The following STAT4 variants were observed in gnomAD, a reference collection of about 807,000 sequenced individuals.
STAT4 encodes signal transducer and activator of transcription 4.
In STAT4, 42 loss-of-function variants were observed where a neutral mutation model predicts 110.5. The observed-to-expected ratio is 0.38, with a 90% CI of 0.30 to 0.49. The LOEUF (loss-of-function observed/expected upper bound fraction) is 0.49, where lower values mean the gene tolerates loss of function less well. Among genes scored for constraint, STAT4 ranks in the 20% least tolerant of loss-of-function variants. The pLI, the probability that STAT4 is intolerant of heterozygous loss-of-function variation, is 0.95. For missense variants in STAT4, 632 were observed against 887.9 expected (o/e 0.71, Z 3.66); for synonymous variants, 284 against 302.2 (o/e 0.94, Z 0.63).
chr2:191,139,070 C>A (rs1187732668), intron 3 of STAT4, among the ~76,000 whole-genome samples: 1 of 151,570 alleles, frequency 6.6e-6, no homozygotes, highest in Non-Finnish European at 1.5e-5. Flanking sequence ...TGATAAAAAA[C>A]CCTCAACAAA....
In STAT4 at chr2:191,146,811, C is replaced by CT; in HGVS notation, c.129-55dup. ...AGAAAACAACTTTGTAAAATGTCTA[C>CT]TTTTTTACCATACTAACTTTAAAAC... On this transcript the variant is annotated intron_variant, in intron 2 of 23. Transcript: ENST00000392320. This position sits in a 1 kb window ranked among gnomAD's most constrained non-coding sequence, Gnocchi z 4.5. 3 of 1,415,746 alleles carry CT rather than the reference C, an allele frequency of 2.1e-6. No individual in the cohort carries two copies. Among genetic ancestry groups the CT allele is most frequent in the Non-Finnish European group, 2.8e-6 (3 of 1,076,470 alleles). The allele number at this position is 1,415,746 out of a possible 1,614,324, so 87.7% of individuals were successfully genotyped here. A position where few individuals can be genotyped will look rare whatever the true frequency, so the allele number is the denominator to read the frequency against.
intron 14 of STAT4, among the ~76,000 whole-genome samples, chr2:191,045,378 G>A (rs1419367373): frequency 6.6e-6 from 1 of 152,192 alleles, no homozygotes. Context: ...AGAATCCTGG[G>A]TGGAATTTGG....
Position 191,146,604 on chromosome 2 carries a change from C to A in STAT4, c.273+9G>T. On this transcript the variant is annotated intron_variant, in intron 3 of 23. Coordinates refer to ENST00000392320, the MANE Select transcript of STAT4 (RefSeq NM_003151.4). This position sits in a 1 kb window ranked among gnomAD's most constrained non-coding sequence, Gnocchi z 4.5. ...CCAAATATTTTGGAAAAGTAGAATG[C>A]ATTCTTACCTGAAGGACCTTCCTAA... The A allele has an allele frequency of 6.7e-7, 1 of 1,492,484 alleles. No homozygotes were observed. The highest frequency in any genetic ancestry group is 1.4e-5 in the South Asian group (1 of 69,756). The allele number at this position is 1,492,484 out of a possible 1,614,324, so 92.5% of individuals were successfully genotyped here.
intron 4 of STAT4, among the ~76,000 whole-genome samples, chr2:191,075,453 A>C (rs1697287533): frequency 6.6e-6 from 1 of 152,210 alleles, no homozygotes; most frequent in South Asian, 2.1e-4. Flanking sequence ...GTAAGACAAA[A>C]TTCCTGCTCA....
rs957339057 is a variant in STAT4, at chr2:191,042,599, A to C, written c.1252-1451T>G. ...TGATAAGTGTATTGTGGTTAGGTTTAAACATTTCTTATATTCTAAAGATAC... is the reference window on the plus strand; with the variant it reads ...TGATAAGTGTATTGTGGTTAGGTTTCAACATTTCTTATATTCTAAAGATAC... On this transcript the variant is annotated intron_variant, in intron 14 of 23. Coordinates refer to ENST00000392320, the MANE Select transcript of STAT4 (RefSeq NM_003151.4). This position sits in a 1 kb window ranked among gnomAD's most constrained non-coding sequence, Gnocchi z 4.2. Among the ~76,000 whole-genome samples, 40 of 152,210 alleles carry C rather than the reference A, an allele frequency of 2.6e-4. No homozygotes were observed. Among genetic ancestry groups the C allele is most frequent in the African/African-American group, 9.2e-4 (38 of 41,458 alleles).
chr2:191,112,494 AAT>A lies in STAT4; in HGVS notation c.273+34117_273+34118del, dbSNP rs1698451559. Among the ~76,000 whole-genome samples, 1 of 152,250 alleles carries A rather than the reference AAT, an allele frequency of 6.6e-6. No individual in the cohort carries two copies. The highest frequency in any genetic ancestry group is 2.1e-4 in the South Asian group (1 of 4,832). On this transcript the variant is annotated intron_variant, in intron 3 of 23. Transcript: ENST00000392320. This position sits in a 1 kb window ranked among gnomAD's most constrained non-coding sequence, Gnocchi z 4.3. ...TAAGCCACATATATGCAAATGGATG[AAT>A]ACATATGGGTATATGTATGCATATA...
At chr2:191,034,143 C>G in intron 18 of STAT4, 138 bp from the exon 19 acceptor site, 2 of 706,116 alleles carry the variant, frequency 2.8e-6, no homozygotes, top group Non-Finnish European at 4.6e-6. Flanking sequence ...ATATTCTTGG[C>G]CTGGTGTGGT....
At chr2:191,056,957 A>C (rs1459256491) in intron 13 of STAT4, among the ~76,000 whole-genome samples, 2 of 151,810 alleles carry the variant, frequency 1.3e-5, no homozygotes, top group African/African-American at 4.8e-5. Context: ...TACTATTTGT[A>C]TTTTTAGTAG....
chr2:191,058,052 G>A lies in STAT4; in HGVS notation c.1172C>T (p.Ser391Phe). ...NVKAMSIEES[S>F]NGSLSVEFRH... ...AAATTCTACTGAGAGACTCCCATTG[G>A]AAGATTCTTCAATAGACATGGCTTT... Residue 391 changes from serine (S) to phenylalanine (F), a missense_variant, in exon 13 of 24, where the codon TCC (serine) becomes TTC (phenylalanine). Physicochemically the swap from Ser to Phe is radical, Grantham distance 155. Coordinates refer to ENST00000392320, the MANE Select transcript of STAT4 (RefSeq NM_003151.4). The surrounding 1 kb of genome is among the most constrained non-coding windows in gnomAD (Gnocchi z 4.3). 6.2e-7 allele frequency: 1 copy of A among 1,614,024 alleles called. No individual in the cohort carries two copies.
At chr2:191,120,171 AT>A (rs1211696213) in intron 3 of STAT4, among the ~76,000 whole-genome samples, 1 of 152,228 alleles carries the variant, frequency 6.6e-6, no homozygotes, top group Non-Finnish European at 1.5e-5. Flanking sequence ...GAACGGTAAC[AT>A]TTTAAAAAAT....
intron 3 of STAT4, among the ~76,000 whole-genome samples, chr2:191,105,412 T>G (rs550690066): frequency 6.6e-6 from 1 of 152,226 alleles, no homozygotes; most frequent in Non-Finnish European, 1.5e-5. Context: ...AACCTATGCA[T>G]GTTTGCTTGT....
At chr2:191,085,566 C>T (rs1469766091) in intron 3 of STAT4, among the ~76,000 whole-genome samples, 2 of 151,964 alleles carry the variant, frequency 1.3e-5, no homozygotes, top group East Asian at 1.9e-4. Context: ...CAGAAATAAC[C>T]AAATTTCCTT....
rs1226882419 is a variant in STAT4 at position 191,086,106 on chromosome 2, T to C, written c.274-9781A>G. 6.6e-6 allele frequency among the ~76,000 whole-genome samples: 1 copy of C among 152,200 alleles called. No homozygotes were observed. Among genetic ancestry groups the C allele is most frequent in the Non-Finnish European group, 1.5e-5 (1 of 68,030 alleles). ...TCTTTTCTTCTGTAAGAGGACACAC[T>C]GAAGACACTGGCTATTTTACCAAGT... On this transcript the variant is annotated intron_variant, in intron 3 of 23. Coordinates refer to ENST00000392320, the MANE Select transcript of STAT4 (RefSeq NM_003151.4). This position sits in a 1 kb window ranked among gnomAD's most constrained non-coding sequence, Gnocchi z 5.5.
At position 191,053,925 on chromosome 2, in the gene STAT4, C is replaced by G. The variant is rs55914627; in HGVS notation, c.1251+565G>C. Among the ~76,000 whole-genome samples, 1,302 of 152,096 alleles carry G rather than the reference C, an allele frequency of 8.6e-3. 8 individuals are homozygous for G. Among genetic ancestry groups the G allele is most frequent in the East Asian group, 0.028 (143 of 5,180 alleles). ...GGTGGATCACTTGAGCCAAGGGGTTCAAGACCAGCCTGGGAAACATGGTGG... is the reference window on the plus strand; with the variant it reads ...GGTGGATCACTTGAGCCAAGGGGTTGAAGACCAGCCTGGGAAACATGGTGG... On this transcript the variant is annotated intron_variant, in intron 14 of 23. Coordinates refer to ENST00000392320, the MANE Select transcript of STAT4 (RefSeq NM_003151.4). The surrounding 1 kb of genome is among the most constrained non-coding windows in gnomAD (Gnocchi z 4.5).
In STAT4 at chr2:191,140,380, A is replaced by T. The variant is rs954321893; in HGVS notation, c.273+6233T>A. ...GGACTAATATCCATAATCTGCAAGG[A>T]ACTCAAACAAATCAGCAAAAAAACT... is the stretch of plus-strand genomic sequence containing the variant. On this transcript the variant is annotated intron_variant, in intron 3 of 23. Transcript: ENST00000392320. The surrounding 1 kb of genome is among the most constrained non-coding windows in gnomAD (Gnocchi z 4.4). 2.0e-5 allele frequency among the ~76,000 whole-genome samples: 3 copies of T among 152,238 alleles called. No individual in the cohort carries two copies. The highest frequency in any genetic ancestry group is 2.9e-5 in the Non-Finnish European group (2 of 68,042).
chr2:191,064,101 TA>T (rs1330380822), intron 8 of STAT4, among the ~76,000 whole-genome samples: 5 of 152,256 alleles, frequency 3.3e-5, no homozygotes, highest in Non-Finnish European at 5.9e-5. Flanking sequence ...TGTGCATACA[TA>T]GATCGGGAAT....
chr2:191,110,091 A>C lies in STAT4; in HGVS notation c.274-33766T>G, dbSNP rs980599834. ...CACTGCACCTTCCACAGGGCCCTGC[A>C]TCAGATGCTGGCCGCACAGCAGCCT... On this transcript the variant is annotated intron_variant, in intron 3 of 23. Coordinates refer to ENST00000392320, the MANE Select transcript of STAT4 (RefSeq NM_003151.4). The surrounding 1 kb of genome is among the most constrained non-coding windows in gnomAD (Gnocchi z 4.5). 3.3e-5 allele frequency among the ~76,000 whole-genome samples: 5 copies of C among 152,192 alleles called. No homozygotes were observed. The highest frequency in any genetic ancestry group is 6.5e-5 in the Admixed American group (1 of 15,282).
chr2:191,125,177 A>G (rs1698842137), intron 3 of STAT4, among the ~76,000 whole-genome samples: 1 of 152,208 alleles, frequency 6.6e-6, no homozygotes, highest in Admixed American at 6.5e-5. Flanking sequence ...TTTTTTTAAA[A>G]GTTTGATATG....
At chr2:191,122,942 C>T (rs1019944810) in intron 3 of STAT4, among the ~76,000 whole-genome samples, 1 of 152,194 alleles carries the variant, frequency 6.6e-6, no homozygotes, top group African/African-American at 2.4e-5. Context: ...TTGAGCTATA[C>T]AATTAAACTT....
Sources: gnomAD v4.1 joint callset for allele counts (sites outside exome capture counted in the v4.1 genomes callset) on GRCh38, gnomAD v4.1.1 for gene constraint, Gnocchi (gnomAD v3.1) non-coding constraint, MANE v1.5 for transcripts, NCBI Gene and HGNC (gene_info 2026-07-23, HGNC 2026-07-21) for gene names.